TINF2: variants seen among roughly 807,000 people sequenced by gnomAD.
The protein encoded by TINF2 is TERF1 interacting nuclear factor 2.
Under a neutral mutation model 50.4 loss-of-function variants are expected in TINF2, and 27 were observed. The ratio of observed to expected loss-of-function variants is 0.54; its 90% CI spans 0.40 to 0.74. TINF2 has a LOEUF of 0.74. TINF2 is among the 30% of genes least tolerant of loss of function. The pLI, the probability that TINF2 is intolerant of heterozygous loss-of-function variation, is 0.00. For synonymous variants in TINF2, 223 were observed against 214.6 expected, an observed-to-expected ratio of 1.04 and a Z score of -0.34; for missense variants, 496 against 551.5, an observed-to-expected ratio of 0.90 and a Z score of 1.01.
chr14:24,241,388 G>A (rs924460068), intron 3 of TINF2, 77 bp from the exon 4 acceptor site: 1 of 1,434,064 alleles, frequency 7.0e-7, no homozygotes, highest in East Asian at 2.3e-5. Context: ...CTGGCCATTT[G>A]GGAGGCCGAG....
Position 24,241,908 on chromosome 14 carries a change from T to G in TINF2, c.279A>C (p.Ile93=). Residue 93 remains isoleucine (I), a synonymous_variant, in exon 2 of 9, where the codon ATA becomes ATC. Coordinates refer to ENST00000267415, the MANE Select transcript of TINF2 (RefSeq NM_001099274.3). ...TACTCACAGCCTTGGGATCCCGCACTATAGGTCCAGATTCTGGAAAGTGGT... is the reference window on the plus strand; with the variant it reads ...TACTCACAGCCTTGGGATCCCGCACGATAGGTCCAGATTCTGGAAAGTGGT... ...LNHHFPESGP[I]VRDPKATKQD... 6.2e-7 allele frequency: 1 copy of G among 1,614,230 alleles called. No individual in the cohort carries two copies.
intron 8 of TINF2, 51 bp from the exon 9 acceptor site, chr14:24,239,982 C>T (rs779413593): frequency 6.2e-7 from 1 of 1,614,156 alleles, no homozygotes; most frequent in Non-Finnish European, 8.5e-7. Flanking sequence ...ATTCCCTGAA[C>T]CCTCTGAATT....
Position 24,242,586 on chromosome 14 carries a change from T to C in TINF2, c.-254A>G. 1 of 1,354,230 alleles carries C rather than the reference T, an allele frequency of 7.4e-7. No homozygotes were observed. The highest frequency in any genetic ancestry group is 9.5e-7 in the Non-Finnish European group (1 of 1,053,680). The allele number at this position is 1,354,230 out of a possible 1,614,324, so 83.9% of individuals were successfully genotyped here. The stretch of plus-strand genomic sequence containing the variant: ...CTCCAGTGGCACTGGGTCGCTCAGC[T>C]TTAAACGTCGCCGCTGTCTCGAGCC... On this transcript the variant is annotated 5_prime_UTR_variant, in exon 1 of 9. Coordinates refer to ENST00000267415, the MANE Select transcript of TINF2 (RefSeq NM_001099274.3).
At chr14:24,242,631 G>C, upstream of TINF2, 3 of 1,240,768 alleles carry the variant, frequency 2.4e-6, no homozygotes, top group Non-Finnish European at 3.0e-6. Flanking sequence ...CTCACTTCCG[G>C]CTCCGCTACT....
rs1475173024 is a variant in TINF2 at position 24,240,601 on chromosome 14, G to A, written c.879C>T (p.Leu293=). 5.0e-6 allele frequency: 8 copies of A among 1,614,138 alleles called. No homozygotes were observed. The highest frequency in any genetic ancestry group is 3.3e-5 in the Admixed American group (2 of 60,030). The change falls in exon 6 of 9, where the codon CTC becomes CTT. Residue 293 remains leucine (L), a synonymous_variant. Coordinates refer to ENST00000267415, the MANE Select transcript of TINF2 (RefSeq NM_001099274.3). The stretch of plus-strand genomic sequence containing the variant: ...TAGATATGACCTGGGTTGGTGAGCC[G>A]AGATTCCTAAAGGGAAACAGCATGA... ...PTVMLFPFRN[L]GSPTQVISKP...
In TINF2 at chr14:24,242,350, C is replaced by G; in HGVS notation, c.-18G>C. ...GTAGCCATGGTCGGCGGGCTCCGCC[C>G]GGAGGCGGTCCCTCCGGGTTCCTCA... On this transcript the variant is annotated 5_prime_UTR_variant, in exon 1 of 9. Coordinates refer to ENST00000267415, the MANE Select transcript of TINF2 (RefSeq NM_001099274.3). The G allele has an allele frequency of 6.2e-7, 1 of 1,607,838 alleles. No individual in the cohort carries two copies. The highest frequency in any genetic ancestry group is 1.3e-5 in the African/African-American group (1 of 74,786).
rs778034325 is a variant in TINF2, at chr14:24,241,249, G to A, written c.462C>T (p.Tyr154=). 28 of 1,614,074 alleles carry A rather than the reference G, an allele frequency of 1.7e-5. No homozygotes were observed. The East Asian group carries it at 4.5e-4, about 26-fold the overall frequency. ...LAAMEKLLFE[Y]LCQLEKALPT... ...GCAGTGCTTTCTCCAGCTGACACAA[G>A]TACTCAAAAAGCAGCTTTTCCATGG... is the stretch of plus-strand genomic sequence containing the variant. Residue 154 remains tyrosine, a synonymous_variant, in exon 4 of 9, where the codon TAC becomes TAT. Transcript: ENST00000267415.
In TINF2 at chr14:24,242,187, A is replaced by G. The variant is rs1594555802; in HGVS notation, c.146T>C (p.Val49Ala). 1 of 1,614,248 alleles carries G rather than the reference A, an allele frequency of 6.2e-7. No homozygotes were observed. Among genetic ancestry groups the G allele is most frequent in the Non-Finnish European group, 8.5e-7 (1 of 1,180,040 alleles). The change falls in exon 1 of 9, where the codon GTT becomes GCT. Residue 49 changes from valine (V) to alanine (A), a missense_variant. Val to Ala is a moderately conservative substitution (Grantham distance 64). Transcript: ENST00000267415. ...RSLRAVAPGL[V>A]RYRHHERLCM... The stretch of plus-strand genomic sequence containing the variant: ...AAGGCGTTCGTGGTGCCGGTAGCGA[A>G]CCAAGCCAGGGGCAACAGCGCGCAG...
At position 24,239,763 on chromosome 14, in the gene TINF2, A is replaced by G. The variant is rs1270110857; in HGVS notation, c.*34T>C. 6.2e-7 allele frequency: 1 copy of G among 1,614,074 alleles called. No individual in the cohort carries two copies. Among genetic ancestry groups the G allele is most frequent in the Non-Finnish European group, 8.5e-7 (1 of 1,180,024 alleles). On this transcript the variant is annotated 3_prime_UTR_variant, in exon 9 of 9. Transcript: ENST00000267415. The stretch of plus-strand genomic sequence containing the variant: ...AAACTACTTGCAGAGCTGAGGAGGC[A>G]GGAGACTAGAGTACAGAGAGCATTT...
rs370436310 is a variant in TINF2 at position 24,240,212 on chromosome 14, G to GAGT, written c.1129+48_1129+50dup. 943 of 1,614,048 alleles carry GAGT rather than the reference G, an allele frequency of 5.8e-4. 4 individuals carry two copies. The African/African-American group carries it at 0.011, about 19-fold the overall frequency. On this transcript the variant is annotated intron_variant, in intron 7 of 8. Coordinates refer to ENST00000267415, the MANE Select transcript of TINF2 (RefSeq NM_001099274.3). ...CTTCTAGATGAACACAGGCTCTTGA[G>GAGT]AGTCCCCAAGAGAGGAGGCTGTTGA...
intron 8 of TINF2, 63 bp downstream of exon 8, chr14:24,240,001 T>G (rs2040532781): frequency 1.9e-6 from 3 of 1,614,044 alleles, no homozygotes; most frequent in Non-Finnish European, 2.5e-6. Context: ...TTCTGAAGCA[T>G]GTGGATTTCT....
At position 24,240,119 on chromosome 14, in the gene TINF2, A is replaced by G. The variant is rs192423622; in HGVS notation, c.1166T>C (p.Ile389Thr). 7.6e-5 allele frequency: 122 copies of G among 1,613,968 alleles called. No individual in the cohort carries two copies. In the African/African-American group the frequency reaches 1.1e-3, roughly 15 times the overall value. The change falls in exon 8 of 9, where the codon ATA (isoleucine) becomes ACA (threonine). Residue 389 changes from isoleucine (I) to threonine (T), a missense_variant. Transcript: ENST00000267415. ...ATCAGAGTCTAAAACCAAGTCCCCT[A>G]TGGTAATGACGGAGCTGCACAGAGA... ...PPSLCSSVIT[I>T]GDLVLDSDEE...
rs908085785 is a variant in TINF2, at chr14:24,239,782, A to G, written c.*15T>C. On this transcript the variant is annotated 3_prime_UTR_variant, in exon 9 of 9. Coordinates refer to ENST00000267415, the MANE Select transcript of TINF2 (RefSeq NM_001099274.3). ...GGAGGCAGGAGACTAGAGTACAGAG[A>G]GCATTTTAGTTCTATCACAAAGGTC... 6.2e-7 allele frequency: 1 copy of G among 1,614,210 alleles called. No homozygotes were observed. Among genetic ancestry groups the G allele is most frequent in the Non-Finnish European group, 8.5e-7 (1 of 1,180,044 alleles).
chr14:24,242,401 A>T lies in TINF2; in HGVS notation c.-69T>A. 1.9e-6 allele frequency: 3 copies of T among 1,555,884 alleles called. No individual in the cohort carries two copies. The highest frequency in any genetic ancestry group is 1.7e-6 in the Non-Finnish European group (2 of 1,157,116). ...CCCGGATGGGTGAGGCTTTCCGATC[A>T]CTCCTAGGGGCGGGGCTTCTGGCAA... On this transcript the variant is annotated 5_prime_UTR_variant, in exon 1 of 9. Transcript: ENST00000267415.
Position 24,240,406 on chromosome 14 carries a change from C to G in TINF2, c.1061+13G>C. The G allele has an allele frequency of 6.2e-7, 1 of 1,614,176 alleles. No individual in the cohort carries two copies. The highest frequency in any genetic ancestry group is 8.5e-7 in the Non-Finnish European group (1 of 1,180,040). On this transcript the variant is annotated intron_variant, in intron 6 of 8. Coordinates refer to ENST00000267415, the MANE Select transcript of TINF2 (RefSeq NM_001099274.3). ...AATGTGCTCCTAGTAAGAAGCAACT[C>G]TGTTCCACTCACTCCTTTTGCTCTG...
rs145115622 is a variant in TINF2, at chr14:24,241,947, C to G, written c.240G>C (p.Leu80=). Residue 80 remains leucine, a synonymous_variant, in exon 2 of 9, where the codon CTG becomes CTC. Coordinates refer to ENST00000267415, the MANE Select transcript of TINF2 (RefSeq NM_001099274.3). ...CTGGAAAGTGGTGATTCAGGGCTTTCAGGACTTGGGCCCAAGGCCGGCCCT... is the reference window on the plus strand; with the variant it reads ...CTGGAAAGTGGTGATTCAGGGCTTTGAGGACTTGGGCCCAAGGCCGGCCCT... ...ILQGRPWAQV[L]KALNHHFPES... is the part of the protein sequence containing the mutation. 6.2e-7 allele frequency: 1 copy of G among 1,614,218 alleles called. No homozygotes were observed. The highest frequency in any genetic ancestry group is 1.1e-5 in the South Asian group (1 of 91,082).
chr14:24,242,047 A>G, intron 1 of TINF2, 53 bp from the exon 2 acceptor site: 1 of 1,614,020 alleles, frequency 6.2e-7, no homozygotes, highest in Non-Finnish European at 8.5e-7. Context: ...GACCTTTTCC[A>G]ACTAGTCTCA....
rs1166396726 is a variant in TINF2 at position 24,240,461 on chromosome 14, A to G, written c.1019T>C (p.Leu340Pro). The change falls in exon 6 of 9, where the codon CTG becomes CCG. Residue 340 changes from leucine (L) to proline (P), a missense_variant. Physicochemically the swap from Leu to Pro is moderately conservative, Grantham distance 98 (BLOSUM62 -3). Transcript: ENST00000267415. ...AGGCAAGTCAACTGGGTTCTCCTTC[A>G]GAGCCCTTCCCCCCAGGGTCTGGCA... ...SPCQTLGGRA[L>P]KENPVDLPAT... The G allele has an allele frequency of 6.2e-7, 1 of 1,614,034 alleles. No homozygotes were observed. The highest frequency in any genetic ancestry group is 8.5e-7 in the Non-Finnish European group (1 of 1,180,020).
At chr14:24,241,351 C>G in intron 3 of TINF2, 40 bp from the exon 4 acceptor site, 1 of 1,601,032 alleles carries the variant, frequency 6.2e-7, no homozygotes, top group Non-Finnish European at 8.6e-7. Flanking sequence ...GGTTAGTGGC[C>G]AGGCACGGTG....
Sources: allele counts gnomAD v4.1 joint callset, GRCh38; gene constraint gnomAD v4.1.1; transcripts MANE v1.5; gene names NCBI Gene and HGNC (gene_info 2026-07-23, HGNC 2026-07-21).